The following ICA1L variants were observed in gnomAD, a reference collection of about 807,000 sequenced individuals.
ICA1L encodes islet cell autoantigen 1-like protein.
Under a neutral mutation model 61.3 loss-of-function variants are expected in ICA1L, and 50 were observed. That is an observed-to-expected ratio of 0.82 (90% confidence interval 0.65 to 1.03). The LOEUF (loss-of-function observed/expected upper bound fraction) is 1.03. Among genes scored for constraint, ICA1L ranks in the 50% least tolerant of loss-of-function variants. The probability of loss-of-function intolerance (pLI) is 0.00; values close to 1 mark genes in which losing one functional copy is unlikely to be tolerated. For synonymous variants in ICA1L, 161 were observed against 191.3 expected, an observed-to-expected ratio of 0.84 and a Z score of 1.31; for missense variants, 508 against 556.7, an observed-to-expected ratio of 0.91 and a Z score of 0.88.
intron 4 of ICA1L, among the ~76,000 whole-genome samples, chr2:202,820,262 C>T (rs1372189319): frequency 6.6e-6 from 1 of 151,874 alleles, no homozygotes; most frequent in African/African-American, 2.4e-5. Flanking sequence ...GTAATCCCAG[C>T]TACTCGGGAG....
intron 10 of ICA1L, 30 bp downstream of exon 10, chr2:202,796,860 C>T: frequency 1.6e-6 from 2 of 1,276,770 alleles, no homozygotes; most frequent in Non-Finnish European, 2.2e-6. Flanking sequence ...TTTAAAGAAT[C>T]ATTCATATGT....
At chr2:202,861,808 C>T (rs1323511388) in intron 1 of ICA1L, among the ~76,000 whole-genome samples, 1 of 149,460 alleles carries the variant, frequency 6.7e-6, no homozygotes, top group Non-Finnish European at 1.5e-5. Flanking sequence ...TCACTTGAAC[C>T]CAGGATACAG....
chr2:202,799,878 C>CTT (rs768203103), intron 9 of ICA1L, among the ~76,000 whole-genome samples: 11 of 133,938 alleles, frequency 8.2e-5, no homozygotes, highest in Non-Finnish European at 1.1e-4. Flanking sequence ...CTGCTTTATA[C>CTT]TTTTTTTTTT....
chr2:202,797,073 C>A (rs1379468095), intron 9 of ICA1L, 109 bp from the exon 10 acceptor site: 19 of 547,172 alleles, frequency 3.5e-5, no homozygotes, highest in South Asian at 1.2e-4. Context: ...AAATCAGAAT[C>A]GAAAACATAC....
intron 1 of ICA1L, among the ~76,000 whole-genome samples, chr2:202,847,222 T>C (rs1284640286): frequency 6.6e-6 from 1 of 152,160 alleles, no homozygotes; most frequent in African/African-American, 2.4e-5. Context: ...TAAGAATGGC[T>C]ATAAAGGCAG....
chr2:202,811,172 C>T (rs1281237490), intron 9 of ICA1L, among the ~76,000 whole-genome samples: 8 of 152,100 alleles, frequency 5.3e-5, no homozygotes, highest in African/African-American at 1.4e-4. Context: ...TGGGGCATCA[C>T]GGAAGCTGCT....
At chr2:202,866,564 T>C (rs1687520223) in intron 1 of ICA1L, among the ~76,000 whole-genome samples, 1 of 152,214 alleles carries the variant, frequency 6.6e-6, no homozygotes, top group African/African-American at 2.4e-5. Context: ...CAGATATCCA[T>C]ATGTCAAAAG....
rs1245162722 is a variant in ICA1L at position 202,849,833 on chromosome 2, C to T, written c.-7-20817G>A. On this transcript the variant is annotated intron_variant, in intron 1 of 12. Coordinates refer to ENST00000358299, the MANE Select transcript of ICA1L (RefSeq NM_001288622.3). This position sits in a 1 kb window ranked among gnomAD's most constrained non-coding sequence, Gnocchi z 4.5. ...ACAGCCTCCTCAAGTGGGTCCCAGA[C>T]CCCCATGCCTCCTGACTGGAAGACA... Among the ~76,000 whole-genome samples the T allele has an allele frequency of 6.6e-6, 1 of 152,184 alleles. No homozygotes were observed. The highest frequency in any genetic ancestry group is 2.4e-5 in the African/African-American group (1 of 41,442).
rs558520662 is a variant in ICA1L, at chr2:202,826,363, C to T, written c.163-596G>A. Among the ~76,000 whole-genome samples, 7 of 152,130 alleles carry T rather than the reference C, an allele frequency of 4.6e-5. No individual in the cohort carries two copies. In the South Asian group the frequency reaches 6.2e-4, roughly 14 times the overall value. On this transcript the variant is annotated intron_variant, in intron 2 of 12. Coordinates refer to ENST00000358299, the MANE Select transcript of ICA1L (RefSeq NM_001288622.3). Reference sequence around the variant, plus strand: ...TAGACTCTCATTTCAAAATTAAGCACGTGAAAATTTGAGATGAGGCCACAC... The same window carrying T: ...TAGACTCTCATTTCAAAATTAAGCATGTGAAAATTTGAGATGAGGCCACAC...
chr2:202,774,036 C>T lies in ICA1L; in HGVS notation c.*5497G>A. The stretch of plus-strand genomic sequence containing the variant: ...TTTTAAATTATGAACTAGCGCTGCT[C>T]CACTTCTTGCTTCTTTGATGTGTCA... On this transcript the variant is annotated 3_prime_UTR_variant, in exon 13 of 13. Transcript: ENST00000358299. 1 of 878,958 alleles carries T rather than the reference C, an allele frequency of 1.1e-6. No individual in the cohort carries two copies. The highest frequency in any genetic ancestry group is 1.8e-6 in the Non-Finnish European group (1 of 557,240). 54.4% of individuals were successfully genotyped at this position (878,958 alleles called of 1,614,324 possible).
intron 9 of ICA1L, among the ~76,000 whole-genome samples, chr2:202,799,895 T>G (rs1693041954): frequency 1.3e-5 from 2 of 151,502 alleles, no homozygotes; most frequent in Admixed American, 6.6e-5. Flanking sequence ...TTTTTTTTTT[T>G]TTAGATGGAG....
At chr2:202,862,294 A>AC (rs1694943460) in intron 1 of ICA1L, among the ~76,000 whole-genome samples, 1 of 144,158 alleles carries the variant, frequency 6.9e-6, no homozygotes, top group Admixed American at 7.0e-5. Context: ...AAAAAAAAAA[A>AC]AAAAAAAAAA....
chr2:202,808,547 C>T (rs964670194), intron 9 of ICA1L, among the ~76,000 whole-genome samples: 8 of 152,018 alleles, frequency 5.3e-5, no homozygotes, highest in South Asian at 2.1e-4. Flanking sequence ...CTGAAGAGAA[C>T]GACACAAGCC....
chr2:202,838,098 C>G (rs980813120), intron 1 of ICA1L, among the ~76,000 whole-genome samples: 2 of 152,174 alleles, frequency 1.3e-5, no homozygotes, highest in Non-Finnish European at 2.9e-5. Context: ...AGGTGGCCCA[C>G]CCACCTCGGC....
At chr2:202,832,900 AG>A (rs1345905271) in intron 1 of ICA1L, among the ~76,000 whole-genome samples, 8 of 152,178 alleles carry the variant, frequency 5.3e-5, no homozygotes, top group Admixed American at 4.6e-4. Context: ...GGGAGGAGGA[AG>A]GAGGAGAACC....
At position 202,776,449 on chromosome 2, in the gene ICA1L, C is replaced by T. The variant is rs575140274; in HGVS notation, c.*3084G>A. The T allele has an allele frequency of 3.3e-5, 5 of 152,264 alleles. No individual in the cohort carries two copies. Among genetic ancestry groups the T allele is most frequent in the Non-Finnish European group, 7.4e-5 (5 of 68,008 alleles). The allele number at this position is 152,264 out of a possible 1,614,324, so 9.4% of individuals were successfully genotyped here. A position where few individuals can be genotyped will look rare whatever the true frequency, so the allele number is the denominator to read the frequency against. ...TTGGTTAAGGATAATTAATTTACTT[C>T]TTATTGAATGGATTATCTAGATTGA... On this transcript the variant is annotated 3_prime_UTR_variant, in exon 13 of 13. Transcript: ENST00000358299.
At chr2:202,835,017 G>C (rs12053074) in intron 1 of ICA1L, among the ~76,000 whole-genome samples, 51,211 of 151,552 alleles carry the variant, frequency 0.34, 9,360 homozygotes, top group East Asian at 0.62. Context: ...TATTTTTGTA[G>C]TGACAATGTC....
chr2:202,862,803 C>T (rs1286626164), intron 1 of ICA1L, among the ~76,000 whole-genome samples: 1 of 151,066 alleles, frequency 6.6e-6, no homozygotes, highest in Non-Finnish European at 1.5e-5. Context: ...TGCCATTGCA[C>T]TCCAGCGTAG....
chr2:202,808,973 T>A (rs1182723157), intron 9 of ICA1L, among the ~76,000 whole-genome samples: 2 of 152,098 alleles, frequency 1.3e-5, no homozygotes. Context: ...AACTCTTCAA[T>A]GCCCAGACAT....
Sources: gnomAD v4.1 joint callset for allele counts (sites outside exome capture counted in the v4.1 genomes callset) on GRCh38, gnomAD v4.1.1 for gene constraint, Gnocchi (gnomAD v3.1) non-coding constraint, MANE v1.5 for transcripts, NCBI Gene and HGNC (gene_info 2026-07-23, HGNC 2026-07-21) for gene names.